C1QTNF6: variants seen among roughly 807,000 people sequenced by gnomAD.
C1QTNF6 encodes the protein complement C1q tumor necrosis factor-related protein 6.
C1QTNF6 carries 17 observed loss-of-function variants against 20.7 expected under a neutral mutation model. The ratio of observed to expected loss-of-function variants is 0.82; its 90% confidence interval spans 0.56 to 1.23. The LOEUF is 1.23. Among genes scored for constraint, C1QTNF6 ranks in the 50% most tolerant of loss-of-function variants. C1QTNF6 has a pLI of 0.00. For synonymous variants in C1QTNF6, 130 were observed against 156.3 expected, an observed-to-expected ratio of 0.83 and a Z score of 1.25; for missense variants, 329 against 389.7, an observed-to-expected ratio of 0.84 and a Z score of 1.31.
upstream of C1QTNF6, among the ~76,000 whole-genome samples, chr22:37,189,696 T>C (rs229531): frequency 0.5 from 75,688 of 152,084 alleles, 19,578 homozygotes; most frequent in East Asian, 0.69. Flanking sequence ...AAAGGTGATA[T>C]CTGGAAGATT....
At chr22:37,193,906 T>C (rs1221121268) in intron 2 of C1QTNF6, among the ~76,000 whole-genome samples, 3 of 152,142 alleles carry the variant, frequency 2.0e-5, no homozygotes, top group Non-Finnish European at 1.5e-5. Context: ...TGAACCTGGG[T>C]CCCCAGTGTG....
chr22:37,196,278 G>C (rs1018602671), intron 1 of C1QTNF6: 2 of 152,260 alleles, frequency 1.3e-5, no homozygotes, highest in Admixed American at 6.5e-5. Context: ...CAGCCTGTTT[G>C]CCTCTGGGTC....
In C1QTNF6 at chr22:37,182,378, G is replaced by C; in HGVS notation, c.647C>G (p.Ala216Gly). Residue 216 changes from alanine to glycine, a missense_variant, in exon 3 of 3, where the codon GCT becomes GGT. Physicochemically the swap from Ala to Gly is moderately conservative, Grantham distance 60. Transcript: ENST00000337843. ...GCTGGGCTGCGCGTACAGGATGACAGCCTCTTTCTGGTTATGCATAATGTG... is the reference window on the plus strand; with the variant it reads ...GCTGGGCTGCGCGTACAGGATGACACCCTCTTTCTGGTTATGCATAATGTG... The part of the protein sequence containing the change: ...YVHIMHNQKE[A>G]VILYAQPSER... The C allele has an allele frequency of 5.0e-6, 8 of 1,614,254 alleles. No homozygotes were observed. The highest frequency in any genetic ancestry group is 2.2e-5 in the East Asian group (1 of 44,886).
rs1394164778 is a variant in C1QTNF6 at position 37,185,325 on chromosome 22, T to C, written c.182A>G (p.Asp61Gly). The change falls in exon 2 of 3, where the codon GAC (aspartate) becomes GGC (glycine). Residue 61 changes from aspartate (D) to glycine (G), a missense_variant. Asp to Gly is a moderately conservative substitution (Grantham distance 94). Coordinates refer to ENST00000337843, the MANE Select transcript of C1QTNF6 (RefSeq NM_031910.4). ...GGCAGGATCCAGGGGGTCCTCAGAGTCACAGCACCGTTGGCAGCCGCTGGC... is the reference window on the plus strand; with the variant it reads ...GGCAGGATCCAGGGGGTCCTCAGAGCCACAGCACCGTTGGCAGCCGCTGGC... The part of the protein sequence containing the change: ...AVASGCQRCC[D>G]SEDPLDPAHV... The C allele has an allele frequency of 3.7e-6, 6 of 1,613,106 alleles. No individual in the cohort carries two copies. The highest frequency in any genetic ancestry group is 5.1e-6 in the Non-Finnish European group (6 of 1,179,704).
chr22:37,185,485 T>TAC, intron 1 of C1QTNF6, 30 bp from the exon 2 acceptor site: 1 of 1,559,464 alleles, frequency 6.4e-7, no homozygotes. Context: ...ACAGGAACTA[T>TAC]ACTTCACTCA....
upstream of C1QTNF6, among the ~76,000 whole-genome samples, chr22:37,192,464 T>G (rs1326595253): frequency 1.3e-5 from 2 of 152,164 alleles, no homozygotes; most frequent in African/African-American, 2.4e-5. Context: ...CCCCAGGCCT[T>G]ATCTAGAATC....
rs979637690 is a variant in C1QTNF6 at position 37,184,232 on chromosome 22, G to A, written c.289+986C>T. On this transcript the variant is annotated intron_variant, in intron 2 of 2. Transcript: ENST00000337843. This position sits in a 1 kb window ranked among gnomAD's most constrained non-coding sequence, Gnocchi z 4.0. ...CACTGGCTGTGCAGTGAGTGTCCCCGGGGAGAGCTCAGGAACAAATCCTGG... is the reference window on the plus strand; with the variant it reads ...CACTGGCTGTGCAGTGAGTGTCCCCAGGGAGAGCTCAGGAACAAATCCTGG... 18 of 659,172 alleles carry A rather than the reference G, an allele frequency of 2.7e-5. No individual in the cohort carries two copies. The highest frequency in any genetic ancestry group is 5.5e-5 in the East Asian group (2 of 36,620). 40.8% of individuals were successfully genotyped at this position (659,172 alleles called of 1,614,324 possible).
At chr22:37,197,956 CA>C (rs1487289448), upstream of C1QTNF6, 4 of 152,314 alleles carry the variant, frequency 2.6e-5, no homozygotes, top group Non-Finnish European at 4.4e-5. Context: ...GTCCCTGGGC[CA>C]GATAAACATG....
At chr22:37,193,661 A>G (rs1296253110) in intron 2 of C1QTNF6, among the ~76,000 whole-genome samples, 4 of 152,186 alleles carry the variant, frequency 2.6e-5, no homozygotes, top group Admixed American at 2.6e-4. Flanking sequence ...ACTAACAGTA[A>G]CCTCCCAGGT....
chr22:37,185,077 A>T, intron 2 of C1QTNF6, 141 bp downstream of exon 2: 1 of 1,396,296 alleles, frequency 7.2e-7, no homozygotes, highest in South Asian at 1.8e-5. Context: ...CAGTGTTTGG[A>T]ACAGACCAGG....
upstream of C1QTNF6, among the ~76,000 whole-genome samples, chr22:37,193,182 A>G (rs1359594633): frequency 6.6e-6 from 1 of 152,260 alleles, no homozygotes; most frequent in Non-Finnish European, 1.5e-5. Context: ...GTTATTACAT[A>G]GCAAGGCTAA....
upstream of C1QTNF6, chr22:37,198,225 C>T (rs1237081719): frequency 6.6e-6 from 1 of 152,564 alleles, no homozygotes; most frequent in East Asian, 1.9e-4. Flanking sequence ...CCCCTGCCTC[C>T]AGAAGCTGGC....
intron 1 of C1QTNF6, chr22:37,196,407 A>T (rs949514300): frequency 2.0e-5 from 3 of 152,104 alleles, no homozygotes; most frequent in Non-Finnish European, 4.4e-5. Flanking sequence ...AATGTCCCTT[A>T]TCCTCCACCA....
upstream of C1QTNF6, chr22:37,199,180 C>T (rs561566441): frequency 1.3e-5 from 2 of 152,416 alleles, no homozygotes; most frequent in African/African-American, 4.8e-5. Flanking sequence ...GCGCCAACCT[C>T]TCCCTTTCTC....
intron 2 of C1QTNF6, among the ~76,000 whole-genome samples, chr22:37,194,407 G>A (rs1212760935): frequency 6.6e-6 from 1 of 152,190 alleles, no homozygotes; most frequent in Non-Finnish European, 1.5e-5. Context: ...GAGACAAACA[G>A]TGATTTTTAT....
upstream of C1QTNF6, among the ~76,000 whole-genome samples, chr22:37,189,250 C>G (rs960892707): frequency 6.6e-6 from 1 of 152,230 alleles, no homozygotes; most frequent in East Asian, 1.9e-4. Flanking sequence ...CCAGATGTCA[C>G]TTTCATTGCA....
exon 1 of C1QTNF6, chr22:37,197,655 G>A (rs936379914): frequency 2.0e-5 from 3 of 152,418 alleles, no homozygotes; most frequent in Admixed American, 1.3e-4. Flanking sequence ...CCCCGGAGAA[G>A]AGCCTCCTGT....
At position 37,184,277 on chromosome 22, in the gene C1QTNF6, G is replaced by T. The variant is rs956975230; in HGVS notation, c.289+941C>A. On this transcript the variant is annotated intron_variant, in intron 2 of 2. Coordinates refer to ENST00000337843, the MANE Select transcript of C1QTNF6 (RefSeq NM_031910.4). This position sits in a 1 kb window ranked among gnomAD's most constrained non-coding sequence, Gnocchi z 4.0. Reference sequence around the variant, plus strand: ...TCCTGGCTCCATCCCTGACAGCTGTGTGGCCCCAGGAGACTGGGTTTCCCC... The same window carrying T: ...TCCTGGCTCCATCCCTGACAGCTGTTTGGCCCCAGGAGACTGGGTTTCCCC... 1 of 700,660 alleles carries T rather than the reference G, an allele frequency of 1.4e-6. No individual in the cohort carries two copies. The highest frequency in any genetic ancestry group is 2.7e-6 in the Non-Finnish European group (1 of 374,366). 43.4% of individuals were successfully genotyped at this position (700,660 alleles called of 1,614,324 possible).
At position 37,185,105 on chromosome 22, in the gene C1QTNF6, T is replaced by C. The variant is rs548320937; in HGVS notation, c.289+113A>G. ...AGACCAGGCTCACATTGGGGCTCAA[T>C]AACTCAGGATGAAAGAGGAGTCTGG... On this transcript the variant is annotated intron_variant, in intron 2 of 2. Transcript: ENST00000337843. 7.6e-6 allele frequency: 11 copies of C among 1,447,634 alleles called. No individual in the cohort carries two copies. In the South Asian group the frequency reaches 1.4e-4, roughly 19 times the overall value. The allele number at this position is 1,447,634 out of a possible 1,614,324, so 89.7% of individuals were successfully genotyped here. A position where few individuals can be genotyped will look rare whatever the true frequency, so the allele number is the denominator to read the frequency against.
Sources: gnomAD v4.1 joint callset for allele counts (sites outside exome capture counted in the v4.1 genomes callset) on GRCh38, gnomAD v4.1.1 for gene constraint, Gnocchi (gnomAD v3.1) non-coding constraint, MANE v1.5 for transcripts, NCBI Gene and HGNC (gene_info 2026-07-23, HGNC 2026-07-21) for gene names.